Variants in MAN2B2 observed in about 807,000 individuals in gnomAD.
MAN2B2 encodes the protein mannosidase alpha class 2B member 2.
Under a neutral mutation model 117.1 loss-of-function variants are expected in MAN2B2, and 106 were observed. That is an observed-to-expected ratio of 0.90 (90% confidence interval 0.77 to 1.06). MAN2B2 has a LOEUF of 1.06. Ranked by LOEUF, MAN2B2 falls within the 50% of genes least tolerant of loss-of-function variation. MAN2B2 has a pLI of 0.00. For synonymous variants in MAN2B2, 544 were observed against 595.1 expected, an observed-to-expected ratio of 0.91 and a Z score of 1.25; for missense variants, 1,326 against 1,381.4, an observed-to-expected ratio of 0.96 and a Z score of 0.64.
At chr4:6,604,918 A>G (rs941239249) in intron 10 of MAN2B2, 137 bp from the exon 11 acceptor site, 1 of 1,076,130 alleles carries the variant, frequency 9.3e-7, no homozygotes, top group Non-Finnish European at 1.3e-6. Context: ...GGAGAAAGCC[A>G]GAACTGGGGG....
chr4:6,609,163 G>A lies in MAN2B2; in HGVS notation c.1871G>A (p.Gly624Glu). The change falls in exon 12 of 19, where the codon GGG (glycine) becomes GAG (glutamate). Residue 624 changes from glycine (G) to glutamate (E), a missense_variant. Coordinates refer to ENST00000285599, the MANE Select transcript of MAN2B2 (RefSeq NM_015274.3). ...GAATTCCTGGAGTACCACGTCAACG[G>A]GGATGTGAAACAGGGCCCCATTTCC... Reference protein sequence around the residue: ...TQEFLEYHVNGDVKQGPISDN... With the variant: ...TQEFLEYHVNEDVKQGPISDN... 6.2e-7 allele frequency: 1 copy of A among 1,614,248 alleles called. No individual in the cohort carries two copies. The highest frequency in any genetic ancestry group is 8.5e-7 in the Non-Finnish European group (1 of 1,180,040).
rs73798308 is a variant in MAN2B2 at position 6,614,584 on chromosome 4, G to C, written c.2701+229G>C. The stretch of plus-strand genomic sequence containing the variant: ...TGGCCCCCAGCCCTGTGACCCCAGC[G>C]CATTCTGAATGGATCCCTCTCAGCC... On this transcript the variant is annotated intron_variant, in intron 16 of 18. Coordinates refer to ENST00000285599, the MANE Select transcript of MAN2B2 (RefSeq NM_015274.3). 2.6e-3 allele frequency among the ~76,000 whole-genome samples: 403 copies of C among 152,246 alleles called. 3 individuals are homozygous for C. Among genetic ancestry groups the C allele is most frequent in the African/African-American group, 9.2e-3 (382 of 41,546 alleles).
chr4:6,593,428 G>T, intron 6 of MAN2B2, 78 bp downstream of exon 6: 1 of 1,436,362 alleles, frequency 7.0e-7, no homozygotes, highest in Non-Finnish European at 9.2e-7. Flanking sequence ...TGCACCCAGG[G>T]CCACCCTATC....
intron 3 of MAN2B2, among the ~76,000 whole-genome samples, chr4:6,579,560 C>T (rs529287532): frequency 2.0e-5 from 3 of 150,594 alleles, no homozygotes; most frequent in African/African-American, 7.4e-5. Context: ...ACTACCACTA[C>T]CATTACTACC....
At chr4:6,610,099 G>C (rs779698457) in intron 13 of MAN2B2, 49 bp downstream of exon 13, 1 of 1,603,850 alleles carries the variant, frequency 6.2e-7, no homozygotes, top group East Asian at 2.2e-5. Flanking sequence ...CGCCTTTCCT[G>C]GACCCATTAA....
At chr4:6,586,948 GCA>G in intron 3 of MAN2B2, 46 bp from the exon 4 acceptor site, 1 of 1,573,480 alleles carries the variant, frequency 6.4e-7, no homozygotes, top group Non-Finnish European at 8.7e-7. Flanking sequence ...GGGCCGGGAG[GCA>G]CAGGCCCGCC....
chr4:6,601,141 T>C (rs1055713081), intron 10 of MAN2B2, among the ~76,000 whole-genome samples: 14 of 152,088 alleles, frequency 9.2e-5, no homozygotes, highest in African/African-American at 3.1e-4. Context: ...ACACACAAGT[T>C]TGATAATTCA....
chr4:6,616,689 G>A (rs1711889970), intron 16 of MAN2B2, among the ~76,000 whole-genome samples: 1 of 152,186 alleles, frequency 6.6e-6, no homozygotes, highest in South Asian at 2.1e-4. Flanking sequence ...AGAGACTGGA[G>A]TATTTGAGGA....
intron 16 of MAN2B2, 21 bp downstream of exon 16, chr4:6,614,376 T>C (rs1200923720): frequency 1.9e-6 from 3 of 1,610,350 alleles, no homozygotes; most frequent in Non-Finnish European, 1.7e-6. Flanking sequence ...TGCCCTGGCG[T>C]CTCAGACCTG....
intron 8 of MAN2B2, 25 bp downstream of exon 8, chr4:6,597,328 G>C (rs747800353): frequency 6.6e-7 from 1 of 1,519,196 alleles, no homozygotes; most frequent in South Asian, 1.3e-5. Flanking sequence ...AGCCACAGTG[G>C]CAGGATTGGA....
chr4:6,584,410 C>A (rs1726556152), intron 3 of MAN2B2, among the ~76,000 whole-genome samples: 1 of 152,164 alleles, frequency 6.6e-6, no homozygotes, highest in Admixed American at 6.6e-5. Context: ...CTTTCTATAC[C>A]CATAGTCTAT....
chr4:6,598,939 G>A (rs1363186970), intron 9 of MAN2B2, among the ~76,000 whole-genome samples: 3 of 152,230 alleles, frequency 2.0e-5, no homozygotes, highest in Non-Finnish European at 1.5e-5. Context: ...TAGAGTGACT[G>A]ATCACATGCC....
chr4:6,576,511 T>C, intron 1 of MAN2B2, 67 bp from the exon 2 acceptor site: 1 of 1,578,160 alleles, frequency 6.3e-7, no homozygotes, highest in African/African-American at 1.3e-5. Flanking sequence ...ACCTGGCGAA[T>C]GGCAGGGGCC....
chr4:6,592,226 G>T (rs1726886993), intron 5 of MAN2B2, among the ~76,000 whole-genome samples: 1 of 152,230 alleles, frequency 6.6e-6, no homozygotes, highest in Admixed American at 6.5e-5. Flanking sequence ...CCATTTGTCA[G>T]CCCTCCTTTG....
chr4:6,608,380 T>C (rs1439833404), intron 11 of MAN2B2, among the ~76,000 whole-genome samples: 1 of 152,194 alleles, frequency 6.6e-6, no homozygotes, highest in African/African-American at 2.4e-5. Flanking sequence ...ATCCACCTCA[T>C]TGTCCGCCCA....
In MAN2B2 at chr4:6,594,583, A is replaced by G. The variant is rs1340465957; in HGVS notation, c.908A>G (p.Asp303Gly). The G allele has an allele frequency of 6.2e-7, 1 of 1,613,368 alleles. No homozygotes were observed. ...GCCTCGGTGCAGTTTGCCAACATGGACCCGCTGCTGGACCACATCAACAGC... is the reference window on the plus strand; with the variant it reads ...GCCTCGGTGCAGTTTGCCAACATGGGCCCGCTGCTGGACCACATCAACAGC... ...FNASVQFANM[D>G]PLLDHINSHA... is the part of the protein sequence containing the mutation. The change falls in exon 7 of 19, where the codon GAC (aspartate) becomes GGC (glycine). Residue 303 changes from aspartate (D) to glycine (G), a missense_variant. By Grantham distance (94) the Asp-to-Gly change is moderately conservative. Transcript: ENST00000285599.
Position 6,614,982 on chromosome 4 carries a change from C to G in MAN2B2, c.2701+627C>G, listed in dbSNP as rs773823211. 1.1e-4 allele frequency among the ~76,000 whole-genome samples: 16 copies of G among 152,370 alleles called. 1 individual carries two copies. Among genetic ancestry groups the G allele is most frequent in the Admixed American group, 1.0e-3 (16 of 15,308 alleles). Reference sequence around the variant, plus strand: ...GCTGGGAACTGACTTGTCCTGTTGCCAGAGCCCCAGCTGCACCTCCTCTGC... The same window carrying G: ...GCTGGGAACTGACTTGTCCTGTTGCGAGAGCCCCAGCTGCACCTCCTCTGC... On this transcript the variant is annotated intron_variant, in intron 16 of 18. Transcript: ENST00000285599.
chr4:6,594,479 A>C (rs1726988034), intron 6 of MAN2B2, 55 bp from the exon 7 acceptor site: 1 of 1,576,166 alleles, frequency 6.3e-7, no homozygotes, highest in Non-Finnish European at 8.7e-7. Flanking sequence ...GCCCACCCCC[A>C]CTGGGCGAGC....
At chr4:6,603,823 C>T (rs754933299) in intron 10 of MAN2B2, among the ~76,000 whole-genome samples, 2 of 151,772 alleles carry the variant, frequency 1.3e-5, no homozygotes, top group Admixed American at 6.6e-5. Context: ...TGGGCCAGGC[C>T]GCATCAATGT....
Sources: gnomAD v4.1 joint callset for allele counts (sites outside exome capture counted in the v4.1 genomes callset) on GRCh38, gnomAD v4.1.1 for gene constraint, MANE v1.5 for transcripts, NCBI Gene and HGNC (gene_info 2026-07-23, HGNC 2026-07-21) for gene names.